The following ADK variants were observed in gnomAD, a reference collection of about 807,000 sequenced individuals.
ADK encodes N6,N6-dimethyladenosine kinase.
Under a neutral mutation model 44.7 loss-of-function variants are expected in ADK, and 24 were observed. That is an observed-to-expected ratio of 0.54 (90% CI 0.39 to 0.76). The LOEUF is 0.76. ADK is among the 30% of genes least tolerant of loss of function. ADK has a pLI of 0.00. For synonymous variants in ADK, 128 were observed against 142.6 expected (o/e 0.90, Z 0.73); for missense variants, 321 against 425.1 (o/e 0.76, Z 2.15).
At chr10:74,441,603 T>G (rs906458141) in intron 6 of ADK, among the ~76,000 whole-genome samples, 3 of 152,118 alleles carry the variant, frequency 2.0e-5, no homozygotes, top group Admixed American at 2.0e-4. Flanking sequence ...CCTGAGACCT[T>G]AAAACTCAGA....
At chr10:74,416,570 GT>G (rs5786146) in intron 6 of ADK, among the ~76,000 whole-genome samples, 4 of 147,172 alleles carry the variant, frequency 2.7e-5, no homozygotes, top group African/African-American at 7.4e-5. Flanking sequence ...TTTTGTTTCT[GT>G]TTTTTTTTTG....
chr10:74,398,620 A>C (rs755229772), intron 6 of ADK, 41 bp downstream of exon 6: 1 of 1,133,508 alleles, frequency 8.8e-7, no homozygotes, highest in African/African-American at 1.5e-5. Context: ...ACATATTTAC[A>C]TGATGGATTA....
chr10:74,353,580 A>AAAG (rs1041373529), intron 4 of ADK, among the ~76,000 whole-genome samples: 10 of 151,564 alleles, frequency 6.6e-5, no homozygotes, highest in Admixed American at 5.9e-4. Context: ...TAAAAAAAAA[A>AAAG]AAAAAAAGCC....
chr10:74,467,589 G>A (rs1846409314), intron 6 of ADK, among the ~76,000 whole-genome samples: 1 of 152,012 alleles, frequency 6.6e-6, no homozygotes, highest in Non-Finnish European at 1.5e-5. Context: ...TAATTTCATA[G>A]TAGAATAATA....
chr10:74,307,454 G>C (rs879038553), intron 3 of ADK, among the ~76,000 whole-genome samples: 1 of 152,086 alleles, frequency 6.6e-6, no homozygotes, highest in Non-Finnish European at 1.5e-5. Context: ...TCACCTCTCC[G>C]GAAATTTATC....
At chr10:74,699,011 T>C (rs1856309303) in intron 10 of ADK, among the ~76,000 whole-genome samples, 1 of 145,632 alleles carries the variant, frequency 6.9e-6, no homozygotes, top group South Asian at 2.2e-4. Flanking sequence ...CACGCCCAGC[T>C]AATTTTTTTT....
intron 4 of ADK, among the ~76,000 whole-genome samples, chr10:74,357,263 G>A (rs553751489): frequency 2.7e-4 from 41 of 152,268 alleles, no homozygotes; most frequent in African/African-American, 9.1e-4. Flanking sequence ...AACGAATGCG[G>A]CAGATTGAAG....
intron 9 of ADK, among the ~76,000 whole-genome samples, chr10:74,649,645 TGTCA>T (rs1854192088): frequency 6.6e-6 from 1 of 151,966 alleles, no homozygotes; most frequent in Non-Finnish European, 1.5e-5. Context: ...AAACAAATTC[TGTCA>T]GTCAATCAAC....
chr10:74,244,443 T>C (rs180934929), intron 3 of ADK, among the ~76,000 whole-genome samples: 2 of 152,326 alleles, frequency 1.3e-5, no homozygotes, highest in African/African-American at 4.8e-5. Flanking sequence ...TTTAGTACTG[T>C]ATGTTTATCT....
intron 2 of ADK, among the ~76,000 whole-genome samples, chr10:74,217,087 C>T (rs1001055539): frequency 1.3e-5 from 2 of 152,356 alleles, no homozygotes; most frequent in East Asian, 3.9e-4. Context: ...TCGGGAAGCA[C>T]AAGGGGTCAG....
At chr10:74,648,843 T>G (rs760748721) in intron 9 of ADK, among the ~76,000 whole-genome samples, 1 of 152,122 alleles carries the variant, frequency 6.6e-6, no homozygotes, top group South Asian at 2.1e-4. Flanking sequence ...TAGATTGTTA[T>G]GAATTTAGGA....
At chr10:74,222,257 A>G (rs1484449311) in intron 2 of ADK, among the ~76,000 whole-genome samples, 1 of 152,244 alleles carries the variant, frequency 6.6e-6, no homozygotes, top group African/African-American at 2.4e-5. Context: ...AACACATGAA[A>G]AAATGCTCAC....
chr10:74,403,388 C>T (rs964779411), intron 6 of ADK, among the ~76,000 whole-genome samples: 2 of 152,136 alleles, frequency 1.3e-5, no homozygotes, highest in African/African-American at 2.4e-5. Context: ...GCTGTGGGCT[C>T]TACCTAGTTC....
At chr10:74,613,976 G>T (rs951279574) in intron 9 of ADK, among the ~76,000 whole-genome samples, 3 of 152,024 alleles carry the variant, frequency 2.0e-5, no homozygotes, top group African/African-American at 7.2e-5. Context: ...TTCTTACCAG[G>T]TAAGATCTTA....
At chr10:74,640,220 C>T (rs1352739495) in intron 9 of ADK, among the ~76,000 whole-genome samples, 1 of 152,170 alleles carries the variant, frequency 6.6e-6, no homozygotes, top group African/African-American at 2.4e-5. Flanking sequence ...GAGGCAGGGC[C>T]TTGAAAGTGG....
At position 74,452,697 on chromosome 10, in the gene ADK, T is replaced by C. The variant is rs546171705; in HGVS notation, c.555+54118T>C. On this transcript the variant is annotated intron_variant, in intron 6 of 10. Coordinates refer to ENST00000539909, the MANE Select transcript of ADK (RefSeq NM_006721.4). ...TTAAGAATTTCTCATGGCAAGTTAA[T>C]TGTGGGTGAACATTTCCCTATTGGA... 5.3e-5 allele frequency among the ~76,000 whole-genome samples: 8 copies of C among 152,132 alleles called. No homozygotes were observed. In the East Asian group the frequency reaches 1.3e-3, roughly 26 times the overall value.
At chr10:74,451,585 T>G (rs1845782981) in intron 6 of ADK, among the ~76,000 whole-genome samples, 1 of 152,160 alleles carries the variant, frequency 6.6e-6, no homozygotes, top group South Asian at 2.1e-4. Flanking sequence ...TGGTTCATTT[T>G]CATCACACCT....
At chr10:74,206,938 G>A (rs1474652552) in intron 2 of ADK, among the ~76,000 whole-genome samples, 2 of 152,162 alleles carry the variant, frequency 1.3e-5, no homozygotes, top group Non-Finnish European at 2.9e-5. Flanking sequence ...TGTTCTGCTT[G>A]TTTGGCCTGG....
chr10:74,428,440 G>C (rs1393398672), intron 6 of ADK, among the ~76,000 whole-genome samples: 1 of 152,114 alleles, frequency 6.6e-6, no homozygotes, highest in Non-Finnish European at 1.5e-5. Context: ...GTTCCCCACT[G>C]GTCAAATCTA....
Sources: allele counts gnomAD v4.1 joint callset (sites outside exome capture counted in the v4.1 genomes callset), GRCh38; gene constraint gnomAD v4.1.1; transcripts MANE v1.5; gene names NCBI Gene and HGNC (gene_info 2026-07-23, HGNC 2026-07-21).